ANGPT1: variants seen among roughly 807,000 people sequenced by gnomAD.
The protein encoded by ANGPT1 is angiopoietin-1.
In ANGPT1, 17 loss-of-function variants were observed where a neutral mutation model predicts 62.2. The ratio of observed to expected loss-of-function variants is 0.27; its 90% CI spans 0.19 to 0.41. The LOEUF is 0.41. Ranked by LOEUF, ANGPT1 falls within the 10% of genes least tolerant of loss-of-function variation. ANGPT1 has a pLI of 1.00. For synonymous variants in ANGPT1, 199 were observed against 198.9 expected (o/e 1.00, Z 0.00); for missense variants, 478 against 594.9 (o/e 0.80, Z 2.04).
intron 4 of ANGPT1, among the ~76,000 whole-genome samples, chr8:107,311,757 C>A (rs982688591): frequency 3.3e-5 from 5 of 151,934 alleles, no homozygotes; most frequent in African/African-American, 1.2e-4. Context: ...CCTATTACTA[C>A]CTAAAGTAAT....
chr8:107,325,750 C>A (rs1350794401), intron 3 of ANGPT1, among the ~76,000 whole-genome samples: 2 of 151,394 alleles, frequency 1.3e-5, no homozygotes, highest in Non-Finnish European at 2.9e-5. Context: ...AGACATAATA[C>A]TTTTTTTTTA....
intron 4 of ANGPT1, among the ~76,000 whole-genome samples, chr8:107,309,718 G>A (rs1814803975): frequency 6.6e-6 from 1 of 152,078 alleles, no homozygotes; most frequent in Non-Finnish European, 1.5e-5. Context: ...AAATGTTGAG[G>A]TTGGTATTTT....
intron 1 of ANGPT1, among the ~76,000 whole-genome samples, chr8:107,431,735 T>C (rs1277336824): frequency 2.5e-4 from 3 of 12,050 alleles, no homozygotes; most frequent in African/African-American, 1.6e-3. Context: ...CTACTCTGTC[T>C]TTTTTTTTTT....
chr8:107,349,957 A>T (rs1199118979), intron 1 of ANGPT1, among the ~76,000 whole-genome samples: 3 of 152,112 alleles, frequency 2.0e-5, no homozygotes, highest in African/African-American at 7.2e-5. Flanking sequence ...AGTGCATCTC[A>T]AAGTGTGGTC....
intron 7 of ANGPT1, among the ~76,000 whole-genome samples, chr8:107,274,070 C>T (rs1373444182): frequency 6.6e-6 from 1 of 152,110 alleles, no homozygotes. Flanking sequence ...ATTAGCCCCA[C>T]AAGAGAAGGT....
rs78060629 is a variant in ANGPT1 at position 107,294,464 on chromosome 8, C to T, written c.937-427G>A. 6.6e-3 allele frequency: 1,015 copies of T among 153,218 alleles called. 12 individuals are homozygous for T. The highest frequency in any genetic ancestry group is 0.023 in the African/African-American group (964 of 41,532). 9.5% of individuals were successfully genotyped at this position (153,218 alleles called of 1,614,324 possible). On this transcript the variant is annotated intron_variant, in intron 5 of 8. Transcript: ENST00000517746. ...CTTTAAATTGATTGAAATGGGAGTA[C>T]AATAAGAATAAAAAATTTTTAAAAT... is the stretch of plus-strand genomic sequence containing the variant.
At chr8:107,472,050 A>C (rs1274600234) in intron 1 of ANGPT1, among the ~76,000 whole-genome samples, 1 of 152,000 alleles carries the variant, frequency 6.6e-6, no homozygotes, top group East Asian at 1.9e-4. Flanking sequence ...ATTTTAGAGG[A>C]ATACTTTATA....
intron 1 of ANGPT1, among the ~76,000 whole-genome samples, chr8:107,419,912 C>T (rs1044358521): frequency 8.5e-5 from 13 of 152,242 alleles, no homozygotes; most frequent in African/African-American, 2.4e-4. Context: ...TCAACCACTA[C>T]GCTAAATGCT....
chr8:107,302,480 G>T (rs1013157363), intron 5 of ANGPT1, among the ~76,000 whole-genome samples: 9 of 151,832 alleles, frequency 5.9e-5, no homozygotes, highest in Non-Finnish European at 5.9e-5. Flanking sequence ...CTTATTGACA[G>T]CATTTTATAA....
chr8:107,494,227 T>C (rs539164585), intron 1 of ANGPT1, among the ~76,000 whole-genome samples: 10 of 152,316 alleles, frequency 6.6e-5, no homozygotes, highest in African/African-American at 2.2e-4. Context: ...TAAATGTACA[T>C]CTTTGTGAAC....
intron 1 of ANGPT1, among the ~76,000 whole-genome samples, chr8:107,422,370 C>T (rs1354204126): frequency 6.6e-6 from 1 of 152,196 alleles, no homozygotes; most frequent in Non-Finnish European, 1.5e-5. Flanking sequence ...ATCTGAACCT[C>T]TCTGTCCATA....
rs1385198816 is a variant in ANGPT1, at chr8:107,422,627, G to T, written c.297+74635C>A. Among the ~76,000 whole-genome samples the T allele has an allele frequency of 2.0e-5, 3 of 152,162 alleles. No individual in the cohort carries two copies. The East Asian group carries it at 5.8e-4, about 29-fold the overall frequency. On this transcript the variant is annotated intron_variant, in intron 1 of 8. Coordinates refer to ENST00000517746, the MANE Select transcript of ANGPT1 (RefSeq NM_001146.5). ...GTTTTTAACATAATCGCCCACATTT[G>T]TAAATTTGCTTTTAGTCTCAAACAT...
At chr8:107,301,123 C>A (rs1814577510) in intron 5 of ANGPT1, among the ~76,000 whole-genome samples, 1 of 151,870 alleles carries the variant, frequency 6.6e-6, no homozygotes, top group Non-Finnish European at 1.5e-5. Context: ...CACCCCTTCC[C>A]ACAGACCACA....
At chr8:107,471,670 G>A (rs1161987753) in intron 1 of ANGPT1, among the ~76,000 whole-genome samples, 1 of 152,076 alleles carries the variant, frequency 6.6e-6, no homozygotes, top group Non-Finnish European at 1.5e-5. Context: ...ACGTTTGAAT[G>A]TATTTTTTTG....
At chr8:107,283,249 A>T (rs1021533499) in intron 7 of ANGPT1, among the ~76,000 whole-genome samples, 1 of 151,730 alleles carries the variant, frequency 6.6e-6, no homozygotes, top group Non-Finnish European at 1.5e-5. Context: ...CAAAATATTG[A>T]CCTCCTTGGA....
intron 1 of ANGPT1, among the ~76,000 whole-genome samples, chr8:107,430,311 C>T (rs765480044): frequency 6.6e-6 from 1 of 152,128 alleles, no homozygotes; most frequent in African/African-American, 2.4e-5. Context: ...AGAATGTTTG[C>T]GTGGTTCTTT....
intron 1 of ANGPT1, among the ~76,000 whole-genome samples, chr8:107,496,850 C>T (rs750198968): frequency 6.6e-6 from 1 of 152,082 alleles, no homozygotes; most frequent in Admixed American, 6.6e-5. Context: ...GCCACCCCAG[C>T]GGCACAAAAT....
intron 7 of ANGPT1, among the ~76,000 whole-genome samples, chr8:107,276,500 A>C (rs1813869539): frequency 6.6e-6 from 1 of 152,198 alleles, no homozygotes. Flanking sequence ...AAATGAAACA[A>C]GTTTTGCAAT....
intron 1 of ANGPT1, among the ~76,000 whole-genome samples, chr8:107,449,710 C>T (rs1267464332): frequency 2.0e-5 from 3 of 152,066 alleles, no homozygotes; most frequent in Non-Finnish European, 4.4e-5. Flanking sequence ...TTAGCACACA[C>T]GTTTTGAGTT....
Sources: gnomAD v4.1 joint callset for allele counts (sites outside exome capture counted in the v4.1 genomes callset) on GRCh38, gnomAD v4.1.1 for gene constraint, MANE v1.5 for transcripts, NCBI Gene and HGNC (gene_info 2026-07-23, HGNC 2026-07-21) for gene names.